The following PTPRA variants were observed in gnomAD, a reference collection of about 807,000 sequenced individuals.
The protein encoded by PTPRA is protein tyrosine phosphatase receptor type A.
In PTPRA, 25 loss-of-function variants were observed where a neutral mutation model predicts 104.8. That is an observed-to-expected ratio of 0.24 (90% CI 0.17 to 0.33). The LOEUF (loss-of-function observed/expected upper bound fraction) is 0.33. PTPRA is among the 10% of genes least tolerant of loss of function. The pLI is 1.00. For missense variants in PTPRA, 765 were observed against 1,015.3 expected (o/e 0.75, Z 3.35); for synonymous variants, 323 against 368.9 (o/e 0.88, Z 1.43).
At chr20:2,895,215 A>G (rs2058952195) in intron 1 of PTPRA, among the ~76,000 whole-genome samples, 1 of 151,688 alleles carries the variant, frequency 6.6e-6, no homozygotes, top group South Asian at 2.1e-4. Context: ...AGTTGGGACT[A>G]CAGGCATGCG....
intron 20 of PTPRA, among the ~76,000 whole-genome samples, chr20:3,033,467 G>A (rs1261782046): frequency 6.6e-6 from 1 of 151,944 alleles, no homozygotes; most frequent in Non-Finnish European, 1.5e-5. Flanking sequence ...TGGGACTGTG[G>A]GCATGACTCA....
intron 11 of PTPRA, among the ~76,000 whole-genome samples, chr20:3,010,400 G>A (rs933237799): frequency 9.9e-5 from 15 of 151,796 alleles, no homozygotes; most frequent in South Asian, 2.1e-4. Flanking sequence ...AGGCCGAGGC[G>A]GGCGGATCAC....
chr20:2,945,549 T>A (rs1176129536), intron 2 of PTPRA, among the ~76,000 whole-genome samples: 1 of 151,932 alleles, frequency 6.6e-6, no homozygotes, highest in East Asian at 1.9e-4. Context: ...CTCTTTGGTC[T>A]GTATGGAGCA....
At chr20:2,930,172 G>A (rs530761846) in intron 2 of PTPRA, among the ~76,000 whole-genome samples, 2 of 152,248 alleles carry the variant, frequency 1.3e-5, no homozygotes, top group Admixed American at 6.5e-5. Flanking sequence ...TTGGTGCATT[G>A]CAGCATTTGG....
Position 3,035,667 on chromosome 20 carries a change from G to T in PTPRA, c.2003G>T (p.Cys668Phe), listed in dbSNP as rs754627005. 6 of 1,614,180 alleles carry T rather than the reference G, an allele frequency of 3.7e-6. No individual in the cohort carries two copies. The highest frequency in any genetic ancestry group is 5.1e-6 in the Non-Finnish European group (6 of 1,180,022). ...ITVELKKEEE[C>F]ESYTVRDLLV... ...GTGGAACTGAAGAAGGAGGAGGAAT[G>T]TGAGAGCTACACCGTCCGAGACCTC... The change falls in exon 21 of 24, where the codon TGT (cysteine) becomes TTT (phenylalanine). Residue 668 changes from cysteine to phenylalanine, a missense_variant. Coordinates refer to ENST00000399903, the MANE Select transcript of PTPRA (RefSeq NM_001385305.1). The surrounding 1 kb of genome is among the most constrained non-coding windows in gnomAD (Gnocchi z 5.8).
chr20:3,038,145 G>C lies in PTPRA; in HGVS notation c.*12G>C, dbSNP rs566949201. 2.5e-6 allele frequency: 4 copies of C among 1,597,264 alleles called. No homozygotes were observed. The highest frequency in any genetic ancestry group is 4.5e-5 in the East Asian group (2 of 44,788). On this transcript the variant is annotated 3_prime_UTR_variant, in exon 24 of 24. Transcript: ENST00000399903. ...CCAACTTCAAGTAAGCGGCAACAAG[G>C]GTCCGTGGACCAGGAGGATTGCCTT...
chr20:2,878,985 A>G (rs923638905), intron 1 of PTPRA, among the ~76,000 whole-genome samples: 24 of 152,370 alleles, frequency 1.6e-4, no homozygotes, highest in Admixed American at 1.0e-3. Flanking sequence ...TATAAAATAT[A>G]AGGCTAGATG....
chr20:2,974,108 G>A (rs1224989314), intron 5 of PTPRA, among the ~76,000 whole-genome samples: 5 of 151,722 alleles, frequency 3.3e-5, no homozygotes, highest in Admixed American at 1.3e-4. Context: ...ACACCACCAC[G>A]CCTGGCTAAT....
chr20:3,018,537 G>A (rs2064595834), intron 13 of PTPRA, among the ~76,000 whole-genome samples: 1 of 151,690 alleles, frequency 6.6e-6, no homozygotes, highest in African/African-American at 2.4e-5. Context: ...GCACAGGGTT[G>A]GGGGTAAGGT....
At chr20:2,899,043 A>G (rs1316682745) in intron 1 of PTPRA, among the ~76,000 whole-genome samples, 1 of 152,216 alleles carries the variant, frequency 6.6e-6, no homozygotes, top group Non-Finnish European at 1.5e-5. Context: ...GGAGAGAACT[A>G]GAATATTGTT....
intron 2 of PTPRA, among the ~76,000 whole-genome samples, chr20:2,937,768 GT>G (rs2060762326): frequency 6.6e-6 from 1 of 151,916 alleles, no homozygotes; most frequent in Admixed American, 6.6e-5. Flanking sequence ...CACATTTTTA[GT>G]TTTGTTCATC....
In PTPRA at chr20:3,037,339, C is replaced by G; in HGVS notation, c.2334+50C>G. On this transcript the variant is annotated intron_variant, in intron 23 of 23. Transcript: ENST00000399903. This position sits in a 1 kb window ranked among gnomAD's most constrained non-coding sequence, Gnocchi z 4.3. ...TGCCACCACACCACCTGCAGCCCTT[C>G]TCTCAGGGAGGAGGCTCTTCAGAGG... 3 of 1,603,586 alleles carry G rather than the reference C, an allele frequency of 1.9e-6. No homozygotes were observed. The highest frequency in any genetic ancestry group is 1.7e-6 in the Non-Finnish European group (2 of 1,175,182).
chr20:2,975,137 G>A (rs1391514014), intron 5 of PTPRA, 78 bp from the exon 6 acceptor site: 7 of 1,283,596 alleles, frequency 5.5e-6, no homozygotes, highest in African/African-American at 3.0e-5. Context: ...CCTGGAGCTT[G>A]TTTTGTTGTA....
intron 9 of PTPRA, among the ~76,000 whole-genome samples, chr20:2,999,498 C>T (rs1047339013): frequency 6.6e-6 from 1 of 152,148 alleles, no homozygotes; most frequent in Non-Finnish European, 1.5e-5. Context: ...TGTATTGGCA[C>T]TGGGATAGAC....
At chr20:2,908,593 T>G (rs529527761) in intron 1 of PTPRA, among the ~76,000 whole-genome samples, 1 of 152,218 alleles carries the variant, frequency 6.6e-6, no homozygotes, top group Non-Finnish European at 1.5e-5. Context: ...CCACTGTGCC[T>G]TAAAAGCATG....
At chr20:2,875,434 C>G (rs1366202446) in intron 1 of PTPRA, among the ~76,000 whole-genome samples, 1 of 152,184 alleles carries the variant, frequency 6.6e-6, no homozygotes, top group Non-Finnish European at 1.5e-5. Flanking sequence ...TGTTTAGCCA[C>G]TTAACATCTG....
At position 3,022,164 on chromosome 20, in the gene PTPRA, C is replaced by G. The variant is rs1253191985; in HGVS notation, c.1272C>G (p.Leu424=). Residue 424 remains leucine, a synonymous_variant, in exon 15 of 24, where the codon CTC becomes CTG. Coordinates refer to ENST00000399903, the MANE Select transcript of PTPRA (RefSeq NM_001385305.1). The surrounding 1 kb of genome is among the most constrained non-coding windows in gnomAD (Gnocchi z 4.6). The part of the protein sequence containing the change: ...PFTPIGMLKF[L]KKVKACNPQY... Reference sequence around the variant, plus strand: ...CCCCGATCGGCATGCTCAAGTTCCTCAAGAAGGTGAAGGCCTGTAACCCTC... The same window carrying G: ...CCCCGATCGGCATGCTCAAGTTCCTGAAGAAGGTGAAGGCCTGTAACCCTC... 2 of 1,614,112 alleles carry G rather than the reference C, an allele frequency of 1.2e-6. No homozygotes were observed. The highest frequency in any genetic ancestry group is 1.3e-5 in the African/African-American group (1 of 74,942).
intron 2 of PTPRA, among the ~76,000 whole-genome samples, chr20:2,946,134 G>C (rs995964559): frequency 1.1e-4 from 16 of 152,054 alleles, no homozygotes; most frequent in Non-Finnish European, 1.9e-4. Flanking sequence ...AAAACTAAGA[G>C]GGCTTAGAAC....
chr20:2,936,581 C>A (rs62207192), intron 2 of PTPRA, among the ~76,000 whole-genome samples: 2,720 of 152,120 alleles, frequency 0.018, 41 homozygotes, highest in Non-Finnish European at 0.03. Context: ...CCACCTCAGC[C>A]TCCTGAGTAG....
Sources: gnomAD v4.1 joint callset for allele counts (sites outside exome capture counted in the v4.1 genomes callset) on GRCh38, gnomAD v4.1.1 for gene constraint, Gnocchi (gnomAD v3.1) non-coding constraint, MANE v1.5 for transcripts, NCBI Gene and HGNC (gene_info 2026-07-23, HGNC 2026-07-21) for gene names.